Variants in IPO11 observed in about 807,000 individuals in gnomAD.
The protein encoded by IPO11 is importin-11.
In IPO11, 66 loss-of-function variants were observed where a neutral mutation model predicts 143.2. The observed-to-expected ratio is 0.46, with a 90% confidence interval of 0.38 to 0.57. The LOEUF (loss-of-function observed/expected upper bound fraction) is 0.57, where lower values mean the gene tolerates loss of function less well. Ranked by LOEUF, IPO11 falls within the 20% of genes least tolerant of loss-of-function variation. IPO11 has a pLI of 0.00. For synonymous variants in IPO11, 385 were observed against 377.8 expected, an observed-to-expected ratio of 1.02 and a Z score of -0.22; for missense variants, 1,026 against 1,141.0, an observed-to-expected ratio of 0.90 and a Z score of 1.45.
At chr5:62,463,532 G>C (rs1745451610) in intron 5 of IPO11, among the ~76,000 whole-genome samples, 1 of 151,614 alleles carries the variant, frequency 6.6e-6, no homozygotes, top group Admixed American at 6.6e-5. Flanking sequence ...AAATTAACCT[G>C]GTGTGGTGCA....
At chr5:62,527,027 T>A (rs1167667558) in intron 21 of IPO11, among the ~76,000 whole-genome samples, 4 of 152,182 alleles carry the variant, frequency 2.6e-5, no homozygotes, top group Admixed American at 6.5e-5. Context: ...TTTAACAGTT[T>A]TGGTTCTTAG....
At chr5:62,543,306 G>A (rs555840650) in intron 24 of IPO11, among the ~76,000 whole-genome samples, 17 of 152,240 alleles carry the variant, frequency 1.1e-4, no homozygotes, top group East Asian at 9.6e-4. Flanking sequence ...CTGTGAATCC[G>A]TCTGATCCTG....
At chr5:62,472,717 CG>C (rs1745825873) in intron 7 of IPO11, among the ~76,000 whole-genome samples, 2 of 151,776 alleles carry the variant, frequency 1.3e-5, no homozygotes, top group Admixed American at 6.6e-5. Flanking sequence ...TTGGTAGAGA[CG>C]GGGTTTCACA....
chr5:62,438,875 C>T (rs530449012), intron 2 of IPO11, among the ~76,000 whole-genome samples: 25 of 151,884 alleles, frequency 1.6e-4, no homozygotes, highest in African/African-American at 5.1e-4. Flanking sequence ...CTGACTAACA[C>T]GGTGAAATCC....
At chr5:62,594,107 G>A (rs1050465907) in intron 28 of IPO11, among the ~76,000 whole-genome samples, 1 of 152,118 alleles carries the variant, frequency 6.6e-6, no homozygotes, top group African/African-American at 2.4e-5. Context: ...TTGGAAAAAA[G>A]GAAGAAAACT....
intron 27 of IPO11, 99 bp downstream of exon 27, chr5:62,561,356 C>T: frequency 2.0e-6 from 1 of 507,734 alleles, no homozygotes; most frequent in Non-Finnish European, 3.0e-6. Flanking sequence ...GGCAGTGGTA[C>T]TTTTATATAT....
intron 27 of IPO11, among the ~76,000 whole-genome samples, chr5:62,567,160 C>T (rs1346952812): frequency 6.6e-6 from 1 of 152,194 alleles, no homozygotes; most frequent in Non-Finnish European, 1.5e-5. Context: ...CTCTATCTCT[C>T]CTGCATGTTT....
At chr5:62,524,989 G>A in intron 20 of IPO11, among the ~76,000 whole-genome samples, 1 of 152,116 alleles carries the variant, frequency 6.6e-6, no homozygotes, top group Non-Finnish European at 1.5e-5. Context: ...TACCTACTGT[G>A]TAATACATTG....
intron 29 of IPO11, among the ~76,000 whole-genome samples, chr5:62,624,324 G>A (rs554311430): frequency 1.8e-4 from 27 of 152,244 alleles, no homozygotes; most frequent in Middle Eastern, 3.4e-3. Context: ...ATGAGCCATG[G>A]CATCCAGCCA....
chr5:62,602,992 T>A (rs2112451161), intron 29 of IPO11, among the ~76,000 whole-genome samples: 1 of 152,264 alleles, frequency 6.6e-6, no homozygotes, highest in African/African-American at 2.4e-5. Context: ...TTACTTTTCT[T>A]CCCCCAAAAC....
At chr5:62,580,612 C>T (rs1377612687) in intron 27 of IPO11, 5 of 1,551,436 alleles carry the variant, frequency 3.2e-6, no homozygotes, top group East Asian at 2.4e-5. Context: ...CCCATCCATG[C>T]GTGGCAGAGC....
chr5:62,550,792 G>A (rs1438669600), intron 25 of IPO11, among the ~76,000 whole-genome samples: 3 of 151,964 alleles, frequency 2.0e-5, no homozygotes, highest in African/African-American at 7.2e-5. Flanking sequence ...GACTGAATAT[G>A]TTAAACCACT....
chr5:62,459,389 AAAATAAAT>A (rs70981011), intron 5 of IPO11, among the ~76,000 whole-genome samples: 1 of 151,590 alleles, frequency 6.6e-6, no homozygotes, highest in South Asian at 2.1e-4. Flanking sequence ...CTCTGTCTCA[AAAATAAAT>A]AAATAAATAA....
At chr5:62,481,158 TC>T (rs1746196122) in intron 9 of IPO11, among the ~76,000 whole-genome samples, 2 of 152,096 alleles carry the variant, frequency 1.3e-5, no homozygotes, top group Non-Finnish European at 2.9e-5. Context: ...GATCTTGTGA[TC>T]CACCCGCCTT....
intron 25 of IPO11, 54 bp from the exon 26 acceptor site, chr5:62,551,169 G>A (rs1175496257): frequency 2.1e-6 from 2 of 956,944 alleles, no homozygotes; most frequent in Non-Finnish European, 1.7e-6. Flanking sequence ...GTCAGTGATT[G>A]TTTTTACTTG....
intron 27 of IPO11, among the ~76,000 whole-genome samples, chr5:62,573,268 C>T (rs560533452): frequency 1.3e-5 from 2 of 152,104 alleles, no homozygotes; most frequent in African/African-American, 4.8e-5. Flanking sequence ...TTATAGGGCT[C>T]CTGTGAGGAT....
chr5:62,443,291 CA>C (rs1424140780), intron 3 of IPO11: 9 of 427,114 alleles, frequency 2.1e-5, no homozygotes, highest in East Asian at 3.8e-5. Context: ...AAAAAAAATG[CA>C]AAAAAAGTGT....
At chr5:62,444,370 G>A (rs1034567345) in intron 3 of IPO11, among the ~76,000 whole-genome samples, 6 of 152,172 alleles carry the variant, frequency 3.9e-5, no homozygotes, top group East Asian at 1.9e-4. Flanking sequence ...GGGATTGCAG[G>A]TGTGAGCCAC....
At chr5:62,618,646 G>C (rs1252653670) in intron 29 of IPO11, among the ~76,000 whole-genome samples, 1 of 152,058 alleles carries the variant, frequency 6.6e-6, no homozygotes, top group African/African-American at 2.4e-5. Context: ...GCAAGTCTAG[G>C]CTAATCAATG....
Sources: allele counts gnomAD v4.1 joint callset (sites outside exome capture counted in the v4.1 genomes callset), GRCh38; gene constraint gnomAD v4.1.1; transcripts MANE v1.5; gene names NCBI Gene and HGNC (gene_info 2026-07-23, HGNC 2026-07-21).